Variants in ZNF892 observed in about 807,000 individuals in gnomAD.
ZNF892 encodes zinc finger protein 570-like.
At chr2:95,232,490 A>G in the ZNF892 span, among the ~76,000 whole-genome samples, 1 of 152,212 alleles carries the variant, frequency 6.6e-6, no homozygotes. Flanking sequence ...GCTGAGCAGA[A>G]TGATAGGAGA....
chr2:95,206,647 C>A, the ZNF892 span, among the ~76,000 whole-genome samples: 2 of 152,306 alleles, frequency 1.3e-5, no homozygotes, highest in East Asian at 3.9e-4. Flanking sequence ...CGGACACGAA[C>A]TCAAGGCTTT....
chr2:95,233,627 C>A, the ZNF892 span, among the ~76,000 whole-genome samples: 1 of 143,022 alleles, frequency 7.0e-6, no homozygotes, highest in Admixed American at 7.2e-5. Context: ...GAGCTGAGAT[C>A]GCGCCACTGC....
At chr2:95,206,366 G>A in the ZNF892 span, among the ~76,000 whole-genome samples, 1 of 152,178 alleles carries the variant, frequency 6.6e-6, no homozygotes, top group African/African-American at 2.4e-5. Flanking sequence ...CGAATTAAGA[G>A]TCCTTTATTA....
the ZNF892 span, among the ~76,000 whole-genome samples, chr2:95,216,001 G>C: frequency 6.6e-6 from 1 of 152,104 alleles, no homozygotes; most frequent in Non-Finnish European, 1.5e-5. Flanking sequence ...AAAAGAGATC[G>C]AGAATTCACA....
At chr2:95,248,912 A>C in the ZNF892 span, among the ~76,000 whole-genome samples, 1 of 152,162 alleles carries the variant, frequency 6.6e-6, no homozygotes, top group South Asian at 2.1e-4. Context: ...TTTTAAAATC[A>C]AAAACACATT....
At chr2:95,243,410 C>T in the ZNF892 span, among the ~76,000 whole-genome samples, 1 of 151,484 alleles carries the variant, frequency 6.6e-6, no homozygotes, top group Admixed American at 6.6e-5. Context: ...GTGAGGAGCG[C>T]CTCTTCCCGG....
At chr2:95,224,942 C>T in the ZNF892 span, among the ~76,000 whole-genome samples, 1 of 152,204 alleles carries the variant, frequency 6.6e-6, no homozygotes, top group Non-Finnish European at 1.5e-5. Context: ...GCCCTTTGGC[C>T]ATGGAATGAT....
At chr2:95,237,303 A>G in the ZNF892 span, among the ~76,000 whole-genome samples, 1 of 152,108 alleles carries the variant, frequency 6.6e-6, no homozygotes, top group Admixed American at 6.6e-5. Flanking sequence ...GCCCACCACC[A>G]TGCCTGGCTA....
At chr2:95,235,702 A>G in the ZNF892 span, among the ~76,000 whole-genome samples, 3 of 152,148 alleles carry the variant, frequency 2.0e-5, no homozygotes, top group Admixed American at 6.5e-5. Context: ...GCAGGCATGA[A>G]GTTTGTCCAT....
At chr2:95,217,117 G>T in the ZNF892 span, among the ~76,000 whole-genome samples, 1 of 152,216 alleles carries the variant, frequency 6.6e-6, no homozygotes, top group Non-Finnish European at 1.5e-5. Flanking sequence ...TTCTCACTGT[G>T]TCTTCTCATG....
chr2:95,236,613 A>G, the ZNF892 span, among the ~76,000 whole-genome samples: 1 of 152,230 alleles, frequency 6.6e-6, no homozygotes, highest in African/African-American at 2.4e-5. Flanking sequence ...AGCCTGTATC[A>G]TTGCATAGTA....
chr2:95,246,024 G>A, the ZNF892 span, among the ~76,000 whole-genome samples: 4 of 152,222 alleles, frequency 2.6e-5, no homozygotes, highest in Non-Finnish European at 5.9e-5. Context: ...TATGAGGCCA[G>A]CATTGTCCTG....
chr2:95,242,012 G>T, the ZNF892 span, among the ~76,000 whole-genome samples: 1 of 152,166 alleles, frequency 6.6e-6, no homozygotes, highest in Non-Finnish European at 1.5e-5. Flanking sequence ...AGAGACTGAA[G>T]TTACGACTGA....
At chr2:95,245,486 G>A in the ZNF892 span, among the ~76,000 whole-genome samples, 24 of 146,630 alleles carry the variant, frequency 1.6e-4, no homozygotes, top group African/African-American at 5.5e-4. Flanking sequence ...AGCCAGGGTG[G>A]TCTCGATCTC....
At chr2:95,232,206 G>A in the ZNF892 span, 1 of 152,166 alleles carries the variant, frequency 6.6e-6, no homozygotes, top group African/African-American at 2.4e-5. Flanking sequence ...TGCGACTTTC[G>A]ATTTTACCGG....
chr2:95,244,782 A>G, the ZNF892 span, among the ~76,000 whole-genome samples: 1 of 152,230 alleles, frequency 6.6e-6, no homozygotes, highest in Non-Finnish European at 1.5e-5. Flanking sequence ...TTGATCACAT[A>G]TTTGGAAGTA....
chr2:95,227,945 A>G, the ZNF892 span, among the ~76,000 whole-genome samples: 3 of 152,170 alleles, frequency 2.0e-5, no homozygotes, highest in East Asian at 5.8e-4. Flanking sequence ...TTCAACCCAA[A>G]CAATCTAACT....
the ZNF892 span, among the ~76,000 whole-genome samples, chr2:95,260,054 C>A: frequency 6.6e-6 from 1 of 152,224 alleles, no homozygotes; most frequent in Non-Finnish European, 1.5e-5. Flanking sequence ...GCTTCTGTCT[C>A]CAAGATTCAC....
At chr2:95,234,028 T>G in the ZNF892 span, among the ~76,000 whole-genome samples, 2 of 152,170 alleles carry the variant, frequency 1.3e-5, no homozygotes, top group African/African-American at 2.4e-5. Flanking sequence ...ATGTGTGTCT[T>G]TTTTTGTTTT....
Sources: allele counts gnomAD v4.1 joint callset (sites outside exome capture counted in the v4.1 genomes callset), GRCh38; gene constraint gnomAD v4.1.1; transcripts MANE v1.5; gene names NCBI Gene and HGNC (gene_info 2026-07-23, HGNC 2026-07-21).